CSNK1G2: variants seen among roughly 807,000 people sequenced by gnomAD.
CSNK1G2 encodes casein kinase I isoform gamma-2.
In CSNK1G2, 11 loss-of-function variants were observed where a neutral mutation model predicts 48.0. The observed-to-expected ratio is 0.23, with a 90% CI of 0.14 to 0.38. CSNK1G2 has a LOEUF of 0.38. CSNK1G2 is among the 10% of genes least tolerant of loss of function. The pLI is 1.00. For missense variants in CSNK1G2, 446 were observed against 595.5 expected (o/e 0.75, Z 2.61); for synonymous variants, 337 against 254.1 (o/e 1.33, Z -3.10).
intron 2 of CSNK1G2, among the ~76,000 whole-genome samples, chr19:1,977,168 A>G (rs1268918745): frequency 6.6e-6 from 1 of 152,162 alleles, no homozygotes; most frequent in African/African-American, 2.4e-5. Context: ...ATGCCGCGGG[A>G]CAGGTCGCCC....
intron 1 of CSNK1G2, among the ~76,000 whole-genome samples, chr19:1,945,003 C>T (rs1490847228): frequency 6.6e-6 from 1 of 152,240 alleles, no homozygotes; most frequent in Non-Finnish European, 1.5e-5. Flanking sequence ...CAAAGCAGGA[C>T]ATGCCCCGGG....
intron 1 of CSNK1G2, among the ~76,000 whole-genome samples, chr19:1,951,942 AG>A (rs2014779247): frequency 6.6e-6 from 1 of 152,084 alleles, no homozygotes; most frequent in Admixed American, 6.5e-5. Context: ...GGCCTTCCAA[AG>A]TGCTGGGATT....
intron 1 of CSNK1G2, among the ~76,000 whole-genome samples, chr19:1,945,510 C>T (rs558167762): frequency 1.3e-4 from 20 of 152,302 alleles, no homozygotes; most frequent in Non-Finnish European, 2.9e-5. Context: ...GACAGTTTCG[C>T]GTGACATCAT....
chr19:1,948,622 T>C (rs1417812153), intron 1 of CSNK1G2, among the ~76,000 whole-genome samples: 1 of 151,266 alleles, frequency 6.6e-6, no homozygotes, highest in African/African-American at 2.4e-5. Flanking sequence ...CCTTAGAGCA[T>C]GAGCCACTTT....
intron 1 of CSNK1G2, among the ~76,000 whole-genome samples, chr19:1,948,974 G>C (rs917963128): frequency 1.3e-5 from 2 of 152,212 alleles, no homozygotes; most frequent in Non-Finnish European, 2.9e-5. Flanking sequence ...AATGCTCATG[G>C]AAGCCTCTGT....
At chr19:1,974,486 TGGG>T (rs531431018) in intron 2 of CSNK1G2, among the ~76,000 whole-genome samples, 3 of 152,064 alleles carry the variant, frequency 2.0e-5, no homozygotes, top group Non-Finnish European at 4.4e-5. Flanking sequence ...ACATGACCCT[TGGG>T]GGGTGCATCA....
chr19:1,971,149 G>A (rs565566471), intron 2 of CSNK1G2, among the ~76,000 whole-genome samples: 15 of 152,346 alleles, frequency 9.8e-5, no homozygotes, highest in African/African-American at 2.9e-4. Flanking sequence ...GCAGTTATGC[G>A]GCAGAAGTGT....
At chr19:1,964,253 A>G (rs554794769) in intron 1 of CSNK1G2, among the ~76,000 whole-genome samples, 14 of 151,452 alleles carry the variant, frequency 9.2e-5, no homozygotes, top group Non-Finnish European at 1.6e-4. Flanking sequence ...TGATTGCGCC[A>G]TGGCACTCCT....
chr19:1,958,961 G>A (rs965484941), intron 1 of CSNK1G2, among the ~76,000 whole-genome samples: 1 of 131,932 alleles, frequency 7.6e-6, no homozygotes, highest in Non-Finnish European at 1.6e-5. Context: ...ATGAGCTTTG[G>A]CTCTGGGTCC....
intron 1 of CSNK1G2, among the ~76,000 whole-genome samples, chr19:1,952,019 C>T (rs1322884387): frequency 6.6e-6 from 1 of 152,152 alleles, no homozygotes; most frequent in African/African-American, 2.4e-5. Context: ...TGAAACAGGA[C>T]CTTAAGCTGA....
Position 1,969,536 on chromosome 19 carries a change from G to A in CSNK1G2, c.-237G>A, listed in dbSNP as rs2015493532. ...TGAGCCGTGAGCTTTGAGGCGGTGG[G>A]ATGTGTCAGCAGAATGTCTCCTGCC... is the stretch of plus-strand genomic sequence containing the variant. On this transcript the variant is annotated 5_prime_UTR_variant, in exon 2 of 12. Coordinates refer to ENST00000255641, the MANE Select transcript of CSNK1G2 (RefSeq NM_001319.7). The A allele has an allele frequency of 2.8e-6, 1 of 354,202 alleles. No homozygotes were observed. Among genetic ancestry groups the A allele is most frequent in the East Asian group, 4.1e-5 (1 of 24,098 alleles). The allele number at this position is 354,202 out of a possible 1,614,324, so 21.9% of individuals were successfully genotyped here. A position where few individuals can be genotyped will look rare whatever the true frequency, so the allele number is the denominator to read the frequency against.
At chr19:1,956,594 C>T (rs541041000) in intron 1 of CSNK1G2, among the ~76,000 whole-genome samples, 2 of 152,334 alleles carry the variant, frequency 1.3e-5, no homozygotes, top group East Asian at 1.9e-4. Flanking sequence ...GTGGCACAGG[C>T]GCTTACCCTG....
intron 1 of CSNK1G2, among the ~76,000 whole-genome samples, chr19:1,967,673 C>CTCCTCCT (rs1465328226): frequency 6.3e-5 from 8 of 127,276 alleles, no homozygotes; most frequent in South Asian, 2.5e-4. Flanking sequence ...GCAGGTGGGG[C>CTCCTCCT]TCCTCCCTCC....
intron 1 of CSNK1G2, among the ~76,000 whole-genome samples, chr19:1,946,581 G>A (rs190774110): frequency 3.4e-5 from 5 of 146,628 alleles, no homozygotes; most frequent in Admixed American, 6.9e-5. Context: ...GTGAGCCACC[G>A]CGCCCGGCTA....
intron 1 of CSNK1G2, among the ~76,000 whole-genome samples, chr19:1,945,306 C>T (rs561973772): frequency 9.5e-4 from 144 of 152,310 alleles, no homozygotes; most frequent in African/African-American, 3.3e-3. Context: ...GCGGCCCTGG[C>T]CCCCGGTGCG....
intron 1 of CSNK1G2, among the ~76,000 whole-genome samples, chr19:1,943,927 G>A (rs987961008): frequency 2.0e-5 from 3 of 152,220 alleles, no homozygotes; most frequent in Admixed American, 6.5e-5. Flanking sequence ...TGCTGTTGGG[G>A]CCGAGTGCCG....
At chr19:1,970,285 C>T (rs1018593839) in intron 2 of CSNK1G2, among the ~76,000 whole-genome samples, 6 of 152,258 alleles carry the variant, frequency 3.9e-5, no homozygotes, top group African/African-American at 1.2e-4. Flanking sequence ...CCCATGTGCA[C>T]GCTGGGCGAA....
rs1461870971 is a variant in CSNK1G2, at chr19:1,978,523, C to T, written c.298+12C>T. The T allele has an allele frequency of 6.4e-7, 1 of 1,574,512 alleles. No individual in the cohort carries two copies. The highest frequency in any genetic ancestry group is 8.6e-7 in the Non-Finnish European group (1 of 1,161,228). On this transcript the variant is annotated intron_variant, in intron 4 of 11. Coordinates refer to ENST00000255641, the MANE Select transcript of CSNK1G2 (RefSeq NM_001319.7). This position sits in a 1 kb window ranked among gnomAD's most constrained non-coding sequence, Gnocchi z 7.3. ...GCTCAGCGCCACAGGTACCGGGCGGCCCGCGGGTGGGGCGGGGGCTGCGCA... is the reference window on the plus strand; with the variant it reads ...GCTCAGCGCCACAGGTACCGGGCGGTCCGCGGGTGGGGCGGGGGCTGCGCA...
intron 1 of CSNK1G2, among the ~76,000 whole-genome samples, chr19:1,964,733 G>GTT (rs750542107): frequency 3.6e-4 from 50 of 139,424 alleles, no homozygotes; most frequent in Middle Eastern, 3.4e-3. Flanking sequence ...TTGTTTTTTT[G>GTT]TTTTTTTTTT....
Sources: gnomAD v4.1 joint callset for allele counts (sites outside exome capture counted in the v4.1 genomes callset) on GRCh38, gnomAD v4.1.1 for gene constraint, Gnocchi (gnomAD v3.1) non-coding constraint, MANE v1.5 for transcripts, NCBI Gene and HGNC (gene_info 2026-07-23, HGNC 2026-07-21) for gene names.